Variants in ZXDC observed in about 807,000 individuals in gnomAD.
ZXDC encodes the protein zinc finger protein ZXDC.
ZXDC carries 58 observed loss-of-function variants against 63.6 expected under a neutral mutation model. That is an observed-to-expected ratio of 0.91 (90% CI 0.74 to 1.13). The LOEUF (loss-of-function observed/expected upper bound fraction) is 1.13. Among genes scored for constraint, ZXDC ranks in the 50% most tolerant of loss-of-function variants. ZXDC has a pLI of 0.00. For missense variants in ZXDC, 1,133 were observed against 1,148.9 expected, an observed-to-expected ratio of 0.99 and a Z score of 0.20; for synonymous variants, 561 against 496.1, an observed-to-expected ratio of 1.13 and a Z score of -1.74.
chr3:126,453,588 T>C, intron 7 of ZXDC: 1 of 985,486 alleles, frequency 1.0e-6, no homozygotes, highest in Non-Finnish European at 1.2e-6. Context: ...TCTATTACCA[T>C]TTCACAAAGG....
chr3:126,469,569 CA>C (rs1365024718), intron 4 of ZXDC, among the ~76,000 whole-genome samples: 1 of 152,204 alleles, frequency 6.6e-6, no homozygotes, highest in African/African-American at 2.4e-5. Context: ...TGGCTGCTTT[CA>C]ATCCTGAAGC....
intron 3 of ZXDC, 31 bp downstream of exon 3, chr3:126,471,942 C>G (rs773009148): frequency 1.3e-6 from 2 of 1,570,080 alleles, no homozygotes; most frequent in South Asian, 2.3e-5. Context: ...ATTTTCAAAC[C>G]TGATAATGCA....
In ZXDC at chr3:126,461,773, T is replaced by C. The variant is rs143927575; in HGVS notation, c.1889A>G (p.Asn630Ser). 65 of 1,613,986 alleles carry C rather than the reference T, an allele frequency of 4.0e-5. No homozygotes were observed. The highest frequency in any genetic ancestry group is 2.8e-4 in the Admixed American group (17 of 59,994). ...GGTGATATGTGCTGCTAAGTTACTA[T>C]TGGAGGTCAAAGCCAGTGGGTCGTC... is the stretch of plus-strand genomic sequence containing the variant. ...LSDDPLALTS[N>S]SNLAAHITTP... Residue 630 changes from asparagine to serine, a missense_variant, in exon 6 of 10, where the codon AAT (asparagine) becomes AGT (serine). Transcript: ENST00000389709.
chr3:126,438,415 T>C lies in ZXDC; in HGVS notation c.2537A>G (p.Gln846Arg). The C allele has an allele frequency of 6.2e-7, 1 of 1,613,892 alleles. No individual in the cohort carries two copies. The highest frequency in any genetic ancestry group is 8.5e-7 in the Non-Finnish European group (1 of 1,179,926). Residue 846 changes from glutamine to arginine, a missense_variant, in exon 10 of 10, where the codon CAG becomes CGG. By Grantham distance (43) the Gln-to-Arg change is conservative. Coordinates refer to ENST00000389709, the MANE Select transcript of ZXDC (RefSeq NM_025112.5). Reference sequence around the variant, plus strand: ...CAGGTTGATAGTGCTTCCTGGGAACTGGGTGGCCTCCGGTCCAGCAGGGCC... The same window carrying C: ...CAGGTTGATAGTGCTTCCTGGGAACCGGGTGGCCTCCGGTCCAGCAGGGCC... ...SGGPAGPEATQFPGSTINLQD... is the reference protein window; with the variant it reads ...SGGPAGPEATRFPGSTINLQD...
intron 7 of ZXDC, among the ~76,000 whole-genome samples, chr3:126,457,824 G>T (rs1045566894): frequency 2.0e-5 from 3 of 152,114 alleles, no homozygotes; most frequent in Non-Finnish European, 4.4e-5. Flanking sequence ...TCTCCTGCAA[G>T]AGCCCACTCC....
intron 7 of ZXDC, chr3:126,454,334 T>C (rs1934228813): frequency 1.0e-6 from 1 of 985,040 alleles, no homozygotes; most frequent in Non-Finnish European, 1.2e-6. Context: ...CAAATAAATA[T>C]TCATATAAAT....
chr3:126,459,925 T>C lies in ZXDC; in HGVS notation c.2128-188A>G, dbSNP rs371871490. On this transcript the variant is annotated intron_variant, in intron 6 of 9. Transcript: ENST00000389709. ...GGCGAGGGCCGAACAAACTTGGAGC[T>C]GGAACAATGTATGTGACTTTCTTAT... 4.9e-5 allele frequency: 48 copies of C among 985,500 alleles called. No homozygotes were observed. In the Admixed American group the frequency reaches 9.2e-4, roughly 19 times the overall value. The allele number at this position is 985,500 out of a possible 1,614,324, so 61.0% of individuals were successfully genotyped here. A position where few individuals can be genotyped will look rare whatever the true frequency, so the allele number is the denominator to read the frequency against.
chr3:126,461,649 T>C lies in ZXDC; in HGVS notation c.2013A>G (p.Ala671=). The change falls in exon 6 of 10, where the codon GCA becomes GCG. Residue 671 remains alanine, a synonymous_variant. Transcript: ENST00000389709. The part of the protein sequence containing the change: ...VEPDSPSRPG[A]VGQQEGSHGL... ...CATGGCTTCCTTCCTGCTGCCCAAC[T>C]GCTCCTGGGCGAGAAGGCGAGTCCG... 6.2e-7 allele frequency: 1 copy of C among 1,613,662 alleles called. No individual in the cohort carries two copies. Among genetic ancestry groups the C allele is most frequent in the Non-Finnish European group, 8.5e-7 (1 of 1,179,974 alleles).
intron 7 of ZXDC, chr3:126,457,189 T>C (rs1934341568): frequency 1.1e-6 from 1 of 891,020 alleles, no homozygotes; most frequent in Admixed American, 6.2e-5. Context: ...GCCATTCAGC[T>C]GCCAGGACTG....
chr3:126,473,849 C>CA (rs977454029), intron 1 of ZXDC, among the ~76,000 whole-genome samples: 1 of 152,198 alleles, frequency 6.6e-6, no homozygotes, highest in Non-Finnish European at 1.5e-5. Flanking sequence ...CCTGGGCCCT[C>CA]ACCACAGACC....
chr3:126,470,656 T>C (rs1340966917), intron 4 of ZXDC, among the ~76,000 whole-genome samples: 1 of 152,152 alleles, frequency 6.6e-6, no homozygotes, highest in African/African-American at 2.4e-5. Context: ...AACAGGTAAC[T>C]TAACTAGAGC....
chr3:126,438,201 T>C lies in ZXDC; in HGVS notation c.*174A>G. Reference sequence around the variant, plus strand: ...TTTCAAAGAGTATAGCCCGAACTCATTCCTGGTAAAACAAAAGGAAAACAT... The same window carrying C: ...TTTCAAAGAGTATAGCCCGAACTCACTCCTGGTAAAACAAAAGGAAAACAT... On this transcript the variant is annotated 3_prime_UTR_variant, in exon 10 of 10. Transcript: ENST00000389709. 1 of 646,276 alleles carries C rather than the reference T, an allele frequency of 1.5e-6. No individual in the cohort carries two copies. The highest frequency in any genetic ancestry group is 2.7e-6 in the Non-Finnish European group (1 of 364,518). 40.0% of individuals were successfully genotyped at this position (646,276 alleles called of 1,614,324 possible). A position where few individuals can be genotyped will look rare whatever the true frequency, so the allele number is the denominator to read the frequency against.
chr3:126,462,711 T>G (rs1934605402), intron 5 of ZXDC, among the ~76,000 whole-genome samples: 1 of 152,138 alleles, frequency 6.6e-6, no homozygotes, highest in South Asian at 2.1e-4. Flanking sequence ...CGAATCAGCT[T>G]GTCAGCTCAT....
At chr3:126,460,706 G>A (rs1934492650) in intron 6 of ZXDC, 2 of 985,268 alleles carry the variant, frequency 2.0e-6, no homozygotes, top group African/African-American at 1.7e-5. Flanking sequence ...CACCAGAAAT[G>A]CAGAGACAGA....
At chr3:126,465,279 G>A (rs961656879) in intron 5 of ZXDC, among the ~76,000 whole-genome samples, 1 of 152,234 alleles carries the variant, frequency 6.6e-6, no homozygotes, top group East Asian at 1.9e-4. Flanking sequence ...CAGAGGGGCC[G>A]CCACCACAGC....
intron 7 of ZXDC, chr3:126,453,497 A>G (rs1934190203): frequency 4.1e-6 from 4 of 985,330 alleles, no homozygotes; most frequent in Non-Finnish European, 4.8e-6. Context: ...CATATACAGT[A>G]ATACATAATA....
In ZXDC at chr3:126,470,894, C is replaced by A. The variant is rs1373402597; in HGVS notation, c.1270+1G>T. On this transcript the variant is annotated splice_donor_variant, in intron 4 of 9. Transcript: ENST00000389709. LOFTEE classifies it high-confidence loss of function. ...GCTCAAAGCAATGTTTTAAAATCTA[C>A]CTTCCACAGGACACTCGAACGGCTT... 6.2e-7 allele frequency: 1 copy of A among 1,614,104 alleles called. No individual in the cohort carries two copies. The highest frequency in any genetic ancestry group is 1.1e-5 in the South Asian group (1 of 91,070).
At chr3:126,470,858 C>T (rs758417335) in intron 4 of ZXDC, 37 bp downstream of exon 4, 36 of 1,607,252 alleles carry the variant, frequency 2.2e-5, no homozygotes, top group Non-Finnish European at 2.3e-5. Flanking sequence ...TGGCATTGCA[C>T]TTAGTTTACT....
chr3:126,465,665 G>A (rs1934727475), intron 5 of ZXDC, among the ~76,000 whole-genome samples: 1 of 152,246 alleles, frequency 6.6e-6, no homozygotes, highest in African/African-American at 2.4e-5. Context: ...AAAGACATGG[G>A]AGGGGCAGGG....
Sources: gnomAD v4.1 joint callset for allele counts (sites outside exome capture counted in the v4.1 genomes callset) on GRCh38, gnomAD v4.1.1 for gene constraint, MANE v1.5 for transcripts, NCBI Gene and HGNC (gene_info 2026-07-23, HGNC 2026-07-21) for gene names.